TINCR: variants seen among roughly 807,000 people sequenced by gnomAD.
TINCR encodes the protein TINCR-encoded ubiquitin-like protein.
chr19:5,564,982 T>TC (rs1454885722), intron 1 of TINCR, among the ~76,000 whole-genome samples: 26 of 152,114 alleles, frequency 1.7e-4, no homozygotes, highest in Middle Eastern at 3.4e-3. Flanking sequence ...CAGTCTGTTC[T>TC]CCCCGCTGCA....
intron 1 of TINCR, among the ~76,000 whole-genome samples, chr19:5,567,369 CAG>C (rs1156391771): frequency 3.3e-5 from 5 of 151,466 alleles, no homozygotes; most frequent in African/African-American, 1.2e-4. Flanking sequence ...GAAGAAGAGA[CAG>C]AGATGAGAGA....
At chr19:5,566,604 A>C (rs1202558453) in intron 1 of TINCR, among the ~76,000 whole-genome samples, 1 of 151,640 alleles carries the variant, frequency 6.6e-6, no homozygotes, top group Non-Finnish European at 1.5e-5. Context: ...GACAGAGAGA[A>C]AAACAGCAGA....
chr19:5,559,146 A>G (rs979884244), downstream of TINCR: 1 of 152,176 alleles, frequency 6.6e-6, no homozygotes, highest in African/African-American at 2.4e-5. Flanking sequence ...AAATGTCAAA[A>G]CACCCTGAAA....
At chr19:5,566,574 C>A (rs1568193909) in intron 1 of TINCR, among the ~76,000 whole-genome samples, 1 of 150,072 alleles carries the variant, frequency 6.7e-6, no homozygotes, top group Admixed American at 6.6e-5. Flanking sequence ...GACAGGGACA[C>A]AGAGACAGAG....
Position 5,566,629 on chromosome 19 carries a change from G to A in TINCR, c.260+1036C>T, listed in dbSNP as rs1171486013. ...AAAACAGCAGAGACAGAGACAAATG[G>A]ACAAAGAGACAGAGAGACAGGGAGA... On this transcript the variant is annotated intron_variant, in intron 1 of 1. Coordinates refer to ENST00000646160, the Ensembl canonical transcript of TINCR. Among the ~76,000 whole-genome samples, 6 of 151,332 alleles carry A rather than the reference G, an allele frequency of 4.0e-5. No individual in the cohort carries two copies. In the East Asian group the frequency reaches 1.2e-3, roughly 29 times the overall value.
Position 5,563,741 on chromosome 19 carries a change from G to A in TINCR, c.261-792C>T, listed in dbSNP as rs960100238. Among the ~76,000 whole-genome samples, 7 of 151,870 alleles carry A rather than the reference G, an allele frequency of 4.6e-5. No individual in the cohort carries two copies. Among genetic ancestry groups the A allele is most frequent in the Non-Finnish European group, 8.8e-5 (6 of 67,964 alleles). ...ACCAGCCTGGCCAACATGGTGAAAC[G>A]GTCTCTACTAAAAATACAAAAAAAT... On this transcript the variant is annotated intron_variant, in intron 1 of 1. Transcript: ENST00000646160. The surrounding 1 kb of genome is among the most constrained non-coding windows in gnomAD (Gnocchi z 4.7).
chr19:5,567,123 G>A (rs2052133888), intron 1 of TINCR, among the ~76,000 whole-genome samples: 1 of 151,636 alleles, frequency 6.6e-6, no homozygotes, highest in South Asian at 2.1e-4. Flanking sequence ...ACAAAGATGA[G>A]AGACGCAGAG....
At chr19:5,566,544 C>T (rs1037591589) in intron 1 of TINCR, among the ~76,000 whole-genome samples, 1 of 148,918 alleles carries the variant, frequency 6.7e-6, no homozygotes, top group South Asian at 2.2e-4. Flanking sequence ...GAGAGATGCG[C>T]GCACACACAG....
intron 1 of TINCR, among the ~76,000 whole-genome samples, chr19:5,567,321 A>C (rs567733381): frequency 6.6e-6 from 1 of 152,108 alleles, no homozygotes; most frequent in Non-Finnish European, 1.5e-5. Context: ...GACAAGAGAC[A>C]GAAAGAAGAG....
chr19:5,561,913 G>A (rs2052103703), downstream of TINCR, among the ~76,000 whole-genome samples: 1 of 152,154 alleles, frequency 6.6e-6, no homozygotes, highest in Non-Finnish European at 1.5e-5. Flanking sequence ...AAAAAGAAAT[G>A]AGACACCAAG....
At position 5,563,135 on chromosome 19, in the gene TINCR, G is replaced by T. The variant is rs1366850659; in HGVS notation, c.261-186C>A. Among the ~76,000 whole-genome samples the T allele has an allele frequency of 6.6e-6, 1 of 151,940 alleles. No individual in the cohort carries two copies. The highest frequency in any genetic ancestry group is 1.5e-5 in the Non-Finnish European group (1 of 67,998). On this transcript the variant is annotated intron_variant, in intron 1 of 1. Transcript: ENST00000646160. This position sits in a 1 kb window ranked among gnomAD's most constrained non-coding sequence, Gnocchi z 4.7. ...AGAGGGAGGAGGAGCAAGCAGGGAG[G>T]GAATACAGCAGGTCATCCAGGGTCT...
exon 1 of TINCR, chr19:5,567,881 T>C (rs2145292587): frequency 2.6e-6 from 1 of 390,914 alleles, no homozygotes; most frequent in African/African-American, 2.1e-5. Context: ...CACCTTGATG[T>C]GGTAGCGCTT....
rs1236858553 is a variant in TINCR, at chr19:5,565,903, C to T, written c.260+1762G>A. Among the ~76,000 whole-genome samples, 1 of 152,194 alleles carries T rather than the reference C, an allele frequency of 6.6e-6. No individual in the cohort carries two copies. On this transcript the variant is annotated intron_variant, in intron 1 of 1. Coordinates refer to ENST00000646160, the Ensembl canonical transcript of TINCR. This position sits in a 1 kb window ranked among gnomAD's most constrained non-coding sequence, Gnocchi z 4.0. ...AAGGAGGTGGTCCCAGGCTCTGAGACGAGGCCCCACCATCTTCACCACCTC... is the reference window on the plus strand; with the variant it reads ...AAGGAGGTGGTCCCAGGCTCTGAGATGAGGCCCCACCATCTTCACCACCTC...
At chr19:5,567,515 G>A in intron 1 of TINCR, 150 bp downstream of exon 1, 1 of 365,122 alleles carries the variant, frequency 2.7e-6, no homozygotes, top group East Asian at 4.1e-5. Flanking sequence ...CACCGGCAAG[G>A]CCGGGTCAGG....
rs1006918044 is a variant in TINCR, at chr19:5,565,322, C to T, written c.260+2343G>A. Among the ~76,000 whole-genome samples the T allele has an allele frequency of 3.3e-5, 5 of 152,160 alleles. No homozygotes were observed. The highest frequency in any genetic ancestry group is 5.9e-5 in the Non-Finnish European group (4 of 68,032). The stretch of plus-strand genomic sequence containing the variant: ...ATCATAGCCTGACATGTCACCTTTC[C>T]GGAGAGGCGTCCCCCAGTCACTGAT... On this transcript the variant is annotated intron_variant, in intron 1 of 1. Transcript: ENST00000646160. The surrounding 1 kb of genome is among the most constrained non-coding windows in gnomAD (Gnocchi z 4.0).
At chr19:5,567,374 A>G (rs2052135987) in intron 1 of TINCR, among the ~76,000 whole-genome samples, 1 of 152,030 alleles carries the variant, frequency 6.6e-6, no homozygotes, top group African/African-American at 2.4e-5. Context: ...AGAGACAGAG[A>G]TGAGAGACAG....
intron 1 of TINCR, among the ~76,000 whole-genome samples, chr19:5,567,100 G>A (rs2052133794): frequency 6.6e-6 from 1 of 151,756 alleles, no homozygotes; most frequent in Non-Finnish European, 1.5e-5. Context: ...ACAAAAGAGA[G>A]AGAGGTGAGG....
exon 1 of TINCR, chr19:5,567,707 C>T (rs2052139017): frequency 2.9e-6 from 1 of 341,050 alleles, no homozygotes. Flanking sequence ...GTCCTGCAGG[C>T]GCGCGTCGCG....
chr19:5,565,064 C>A lies in TINCR; in HGVS notation c.261-2115G>T, dbSNP rs1255484864. Among the ~76,000 whole-genome samples the A allele has an allele frequency of 6.6e-6, 1 of 152,182 alleles. No individual in the cohort carries two copies. Among genetic ancestry groups the A allele is most frequent in the Non-Finnish European group, 1.5e-5 (1 of 68,026 alleles). On this transcript the variant is annotated intron_variant, in intron 1 of 1. Coordinates refer to ENST00000646160, the Ensembl canonical transcript of TINCR. This position sits in a 1 kb window ranked among gnomAD's most constrained non-coding sequence, Gnocchi z 4.0. ...GCCCACAGCCCTCTATGGCTCCCAC[C>A]TCCCTCGGAGTCAAGGCCCAAGTCC...
Sources: allele counts gnomAD v4.1 joint callset (sites outside exome capture counted in the v4.1 genomes callset), GRCh38; gene constraint gnomAD v4.1.1; non-coding constraint Gnocchi (gnomAD v3.1); transcripts MANE v1.5; gene names NCBI Gene and HGNC (gene_info 2026-07-23, HGNC 2026-07-21).